The following COL10A1 variants were observed in gnomAD, a reference collection of about 807,000 sequenced individuals.
COL10A1 encodes the protein collagen alpha-1(X) chain.
Under a neutral mutation model 18.2 loss-of-function variants are expected in COL10A1, and 10 were observed. That is an observed-to-expected ratio of 0.55 (90% CI 0.34 to 0.93). COL10A1 has a LOEUF of 0.93. Among genes scored for constraint, COL10A1 ranks in the 40% least tolerant of loss-of-function variants. The probability of loss-of-function intolerance (pLI) is 0.02; values close to 1 mark genes in which losing one functional copy is unlikely to be tolerated. For synonymous variants in COL10A1, 330 were observed against 316.6 expected (o/e 1.04, Z -0.45); for missense variants, 897 against 853.5 (o/e 1.05, Z -0.64).
chr6:116,206,497 A>G, the COL10A1 span, among the ~76,000 whole-genome samples: 1 of 151,982 alleles, frequency 6.6e-6, no homozygotes, highest in Non-Finnish European at 1.5e-5. Flanking sequence ...GGAACACTGG[A>G]GACCATATCC....
intron 1 of COL10A1, among the ~76,000 whole-genome samples, chr6:116,139,258 T>G (rs1011062015): frequency 1.5e-4 from 23 of 152,164 alleles, no homozygotes; most frequent in Non-Finnish European, 1.3e-4. Context: ...CTCAGTCTAC[T>G]AGTAACAATT....
Position 116,146,565 on chromosome 6 carries a change from A to C in COL10A1, c.-16+12049T>G, listed in dbSNP as rs115360375. Reference sequence around the variant, plus strand: ...ATGTGCCAGGGGGAAGAGAAGGTTAAATAAATTATTGTTAAATGAATTAAA... The same window carrying C: ...ATGTGCCAGGGGGAAGAGAAGGTTACATAAATTATTGTTAAATGAATTAAA... On this transcript the variant is annotated intron_variant, in intron 1 of 1. Transcript: ENST00000418500. 8.6e-3 allele frequency among the ~76,000 whole-genome samples: 1,309 copies of C among 152,348 alleles called. 16 individuals are homozygous for C. The highest frequency in any genetic ancestry group is 0.029 in the African/African-American group (1,202 of 41,570).
chr6:116,134,042 G>A (rs1178089606), intron 1 of COL10A1, among the ~76,000 whole-genome samples: 1 of 152,118 alleles, frequency 6.6e-6, no homozygotes, highest in Non-Finnish European at 1.5e-5. Context: ...TAGACATGCT[G>A]TCATCTTCCC....
At chr6:116,212,940 A>C in the COL10A1 span, among the ~76,000 whole-genome samples, 2 of 152,052 alleles carry the variant, frequency 1.3e-5, no homozygotes, top group Non-Finnish European at 2.9e-5. Flanking sequence ...TGCAGTAGAA[A>C]CCTTTGAGTT....
chr6:116,169,163 C>CT, the COL10A1 span, among the ~76,000 whole-genome samples: 4,333 of 152,190 alleles, frequency 0.028, 224 homozygotes, highest in African/African-American at 0.097. Context: ...GCTCAGCTTT[C>CT]TGGGTTTCTC....
At chr6:116,147,881 T>C (rs1281374669) in intron 1 of COL10A1, among the ~76,000 whole-genome samples, 1 of 151,128 alleles carries the variant, frequency 6.6e-6, no homozygotes, top group East Asian at 2.0e-4. Flanking sequence ...ATTAAAAAGG[T>C]GGAGGCAGGC....
intron 1 of COL10A1, among the ~76,000 whole-genome samples, chr6:116,155,103 C>T (rs946540658): frequency 6.6e-6 from 1 of 152,072 alleles, no homozygotes; most frequent in African/African-American, 2.4e-5. Context: ...CGGTTTTTGC[C>T]ATTACTTTCA....
intron 1 of COL10A1, among the ~76,000 whole-genome samples, chr6:116,135,834 G>GATATATATATATATAT (rs199827970): frequency 2.0e-5 from 2 of 102,358 alleles, no homozygotes; most frequent in Non-Finnish European, 4.0e-5. Context: ...TATATTTTCA[G>GATATATATATATATAT]ATATATATAT....
At chr6:116,173,427 A>G in the COL10A1 span, among the ~76,000 whole-genome samples, 4 of 152,292 alleles carry the variant, frequency 2.6e-5, no homozygotes, top group African/African-American at 7.2e-5. Context: ...TGATTTTTGG[A>G]CAGCAGAACA....
the COL10A1 span, among the ~76,000 whole-genome samples, chr6:116,210,926 T>C: frequency 6.6e-6 from 1 of 152,044 alleles, no homozygotes; most frequent in Non-Finnish European, 1.5e-5. Flanking sequence ...AAGATAGCTC[T>C]CTAATGAATC....
At chr6:116,185,351 A>T in the COL10A1 span, among the ~76,000 whole-genome samples, 6 of 152,092 alleles carry the variant, frequency 3.9e-5, no homozygotes, top group Non-Finnish European at 8.8e-5. Flanking sequence ...TGTTGGGTAG[A>T]AAGTTCTGAA....
chr6:116,134,036 C>T (rs537030084), intron 1 of COL10A1, among the ~76,000 whole-genome samples: 2 of 152,166 alleles, frequency 1.3e-5, no homozygotes, highest in Non-Finnish European at 1.5e-5. Context: ...GAAGTTTAGA[C>T]ATGCTGTCAT....
At chr6:116,170,649 A>T in the COL10A1 span, among the ~76,000 whole-genome samples, 1 of 152,216 alleles carries the variant, frequency 6.6e-6, no homozygotes, top group East Asian at 1.9e-4. Flanking sequence ...CTGTTTGTGG[A>T]TAAAGCCATG....
chr6:116,146,728 A>C (rs1779907523), intron 1 of COL10A1, among the ~76,000 whole-genome samples: 1 of 152,088 alleles, frequency 6.6e-6, no homozygotes, highest in Admixed American at 6.6e-5. Flanking sequence ...ATGGTATTCA[A>C]ACTGAATAGA....
chr6:116,180,531 T>G, the COL10A1 span, among the ~76,000 whole-genome samples: 1 of 152,108 alleles, frequency 6.6e-6, no homozygotes, highest in Non-Finnish European at 1.5e-5. Flanking sequence ...ACACCTGAAC[T>G]TATTGCTTAA....
the COL10A1 span, among the ~76,000 whole-genome samples, chr6:116,185,030 T>C: frequency 1.3e-5 from 2 of 152,184 alleles, no homozygotes; most frequent in Middle Eastern, 3.4e-3. Context: ...GCACTGCCTT[T>C]GCTGTATTCT....
chr6:116,193,900 C>A, the COL10A1 span, among the ~76,000 whole-genome samples: 2 of 151,786 alleles, frequency 1.3e-5, no homozygotes, highest in African/African-American at 4.8e-5. Context: ...GCAAAAAATA[C>A]AAAAAATACA....
upstream of COL10A1, among the ~76,000 whole-genome samples, chr6:116,161,271 G>A (rs1001328007): frequency 3.4e-4 from 52 of 151,726 alleles, no homozygotes; most frequent in South Asian, 2.9e-3. Context: ...CAGTGCACCA[G>A]CATGGCACAT....
chr6:116,123,801 T>A (rs2114301714), intron 2 of COL10A1, among the ~76,000 whole-genome samples: 1 of 152,366 alleles, frequency 6.6e-6, no homozygotes, highest in Non-Finnish European at 1.5e-5. Flanking sequence ...GATATTTTCA[T>A]TTGTTCTGCA....
Sources: allele counts gnomAD v4.1 joint callset (sites outside exome capture counted in the v4.1 genomes callset), GRCh38; gene constraint gnomAD v4.1.1; transcripts MANE v1.5; gene names NCBI Gene and HGNC (gene_info 2026-07-23, HGNC 2026-07-21).